Variants in SMURF1 observed in about 807,000 individuals in gnomAD.
SMURF1 encodes the protein E3 ubiquitin-protein ligase SMURF1.
SMURF1 carries 44 observed loss-of-function variants against 98.0 expected under a neutral mutation model. That is an observed-to-expected ratio of 0.45 (90% CI 0.35 to 0.58). The LOEUF (loss-of-function observed/expected upper bound fraction) is 0.58. Among genes scored for constraint, SMURF1 ranks in the 20% least tolerant of loss-of-function variants. SMURF1 has a pLI of 0.00. For synonymous variants in SMURF1, 396 were observed against 374.9 expected (o/e 1.06, Z -0.65); for missense variants, 687 against 938.4 (o/e 0.73, Z 3.50).
intron 1 of SMURF1, among the ~76,000 whole-genome samples, chr7:99,090,956 G>A (rs753587989): frequency 3.0e-4 from 46 of 152,156 alleles, no homozygotes; most frequent in Non-Finnish European, 6.3e-4. Flanking sequence ...GCAAGCTACT[G>A]CCTGTGTTTG....
At chr7:99,045,880 C>A in intron 10 of SMURF1, 79 bp from the exon 11 acceptor site, 1 of 1,079,474 alleles carries the variant, frequency 9.3e-7, no homozygotes, top group Non-Finnish European at 1.4e-6. Context: ...TAATGGAGCC[C>A]GGTTAAGAAC....
intron 1 of SMURF1, among the ~76,000 whole-genome samples, chr7:99,068,542 C>T (rs1364585827): frequency 6.6e-6 from 1 of 152,182 alleles, no homozygotes; most frequent in Non-Finnish European, 1.5e-5. Context: ...TCAAGTGATC[C>T]TCCTGCCTCA....
chr7:99,127,660 C>T (rs567198227), intron 1 of SMURF1, among the ~76,000 whole-genome samples: 5 of 152,322 alleles, frequency 3.3e-5, no homozygotes, highest in African/African-American at 1.2e-4. Context: ...GTATTATCTA[C>T]TTAGAAATAC....
chr7:99,095,004 C>T (rs540669504), intron 1 of SMURF1, among the ~76,000 whole-genome samples: 1 of 152,330 alleles, frequency 6.6e-6, no homozygotes, highest in South Asian at 2.1e-4. Flanking sequence ...TGCACTGTCT[C>T]AACATCCACC....
At chr7:99,037,297 G>T (rs1473737161) in intron 14 of SMURF1, 110 bp from the exon 15 acceptor site, 6 of 1,376,320 alleles carry the variant, frequency 4.4e-6, no homozygotes, top group African/African-American at 1.4e-5. Flanking sequence ...GAGTGCAATG[G>T]CTCAATCTCG....
chr7:99,037,480 C>G (rs905714595), intron 14 of SMURF1, among the ~76,000 whole-genome samples: 1 of 152,208 alleles, frequency 6.6e-6, no homozygotes, highest in Non-Finnish European at 1.5e-5. Flanking sequence ...CTCAGGTGAT[C>G]CGCCCGCCTC....
chr7:99,140,588 A>AT (rs1242828178), intron 1 of SMURF1, among the ~76,000 whole-genome samples: 1 of 150,608 alleles, frequency 6.6e-6, no homozygotes, highest in African/African-American at 2.4e-5. Context: ...CGCCCAGCTA[A>AT]TTTTTTGTAT....
At chr7:99,045,352 G>C (rs1795538954) in intron 11 of SMURF1, among the ~76,000 whole-genome samples, 1 of 152,230 alleles carries the variant, frequency 6.6e-6, no homozygotes, top group Non-Finnish European at 1.5e-5. Context: ...CCTCTACAGA[G>C]GAGAGCAAGG....
chr7:99,143,936 C>A lies in SMURF1; in HGVS notation c.-156G>T, dbSNP rs1798212270. 7 of 528,758 alleles carry A rather than the reference C, an allele frequency of 1.3e-5. 1 individual carries two copies. In the South Asian group the frequency reaches 2.7e-4, roughly 20 times the overall value. 32.8% of individuals were successfully genotyped at this position (528,758 alleles called of 1,614,324 possible). On this transcript the variant is annotated 5_prime_UTR_variant, in exon 1 of 18. Transcript: ENST00000361368. ...CTCCGCGGCCCAGGCGTCCGGGCGG[C>A]AGGCGGATGGTCGAGCCGGGAGATC...
intron 1 of SMURF1, among the ~76,000 whole-genome samples, chr7:99,114,157 A>T (rs538115485): frequency 1.3e-5 from 2 of 152,306 alleles, no homozygotes; most frequent in East Asian, 3.9e-4. Context: ...GATTGTTATA[A>T]ATTAAGATGT....
At chr7:99,105,237 A>G (rs761316266) in intron 1 of SMURF1, among the ~76,000 whole-genome samples, 54 of 152,358 alleles carry the variant, frequency 3.5e-4, no homozygotes, top group Non-Finnish European at 5.6e-4. Flanking sequence ...ATTCTCTCTG[A>G]AAGAAAGACA....
chr7:99,052,099 C>A, intron 7 of SMURF1, 106 bp downstream of exon 7: 1 of 1,423,546 alleles, frequency 7.0e-7, no homozygotes, highest in Non-Finnish European at 9.2e-7. Flanking sequence ...CATGCCACTG[C>A]ACTCCAGCAT....
At chr7:99,072,883 C>A (rs1796359343) in intron 1 of SMURF1, among the ~76,000 whole-genome samples, 1 of 152,142 alleles carries the variant, frequency 6.6e-6, no homozygotes, top group African/African-American at 2.4e-5. Context: ...TTTGGCTAAT[C>A]ATTATTCACA....
chr7:99,120,307 T>C (rs907351634), intron 1 of SMURF1, among the ~76,000 whole-genome samples: 2 of 152,202 alleles, frequency 1.3e-5, no homozygotes, highest in Non-Finnish European at 2.9e-5. Context: ...TTTATAGTAA[T>C]GCAGGAATGA....
intron 3 of SMURF1, among the ~76,000 whole-genome samples, chr7:99,059,266 C>T (rs1584467241): frequency 6.7e-6 from 1 of 148,390 alleles, no homozygotes; most frequent in East Asian, 2.0e-4. Flanking sequence ...GGCGTAGTGG[C>T]GGGCGCCTGT....
At chr7:99,121,879 C>G (rs1797634765) in intron 1 of SMURF1, among the ~76,000 whole-genome samples, 1 of 152,190 alleles carries the variant, frequency 6.6e-6, no homozygotes, top group African/African-American at 2.4e-5. Flanking sequence ...TTCCAACGAG[C>G]TGCCAACAGG....
In SMURF1 at chr7:99,057,289, AAACTT is replaced by A; in HGVS notation, c.338-24_338-20del. 1 of 1,614,182 alleles carries A rather than the reference AAACTT, an allele frequency of 6.2e-7. No homozygotes were observed. The highest frequency in any genetic ancestry group is 8.5e-7 in the Non-Finnish European group (1 of 1,180,028). On this transcript the variant is annotated intron_variant, in intron 4 of 17. Transcript: ENST00000361368. ...CGCTGGTCTGTAAACAAACAATTCA[AAACTT>A]AACCCAAGGAACGTGAACTAGGGAG...
In SMURF1 at chr7:99,060,539, A is replaced by G. The variant is rs1358750086; in HGVS notation, c.203+60T>C. ...TTTTTTTCTCTTGGATGTTTCTCGTAAAAGGTAGACACCTGCTTTCCTGCC... is the reference window on the plus strand; with the variant it reads ...TTTTTTTCTCTTGGATGTTTCTCGTGAAAGGTAGACACCTGCTTTCCTGCC... On this transcript the variant is annotated intron_variant, in intron 3 of 17. Coordinates refer to ENST00000361368, the MANE Select transcript of SMURF1 (RefSeq NM_181349.3). 4.1e-6 allele frequency: 5 copies of G among 1,214,606 alleles called. No homozygotes were observed. In the East Asian group the frequency reaches 7.2e-5, roughly 18 times the overall value. The allele number at this position is 1,214,606 out of a possible 1,614,324, so 75.2% of individuals were successfully genotyped here.
chr7:99,111,303 C>T (rs1448211232), intron 1 of SMURF1, among the ~76,000 whole-genome samples: 1 of 152,128 alleles, frequency 6.6e-6, no homozygotes, highest in Non-Finnish European at 1.5e-5. Flanking sequence ...TGGCATGTAT[C>T]CATCAATTTG....
Sources: allele counts gnomAD v4.1 joint callset (sites outside exome capture counted in the v4.1 genomes callset), GRCh38; gene constraint gnomAD v4.1.1; transcripts MANE v1.5; gene names NCBI Gene and HGNC (gene_info 2026-07-23, HGNC 2026-07-21).